The following PML variants were observed in gnomAD, a reference collection of about 807,000 sequenced individuals.
The protein encoded by PML is PML nuclear body scaffold, also known as protein PML.
A neutral mutation model predicts 65.2 loss-of-function variants in PML; 28 were observed. The ratio of observed to expected loss-of-function variants is 0.43; its 90% CI spans 0.32 to 0.59. PML has a LOEUF of 0.59. Among genes scored for constraint, PML ranks in the 20% least tolerant of loss-of-function variants. The probability of loss-of-function intolerance (pLI) is 0.08; values close to 1 mark genes in which losing one functional copy is unlikely to be tolerated. For synonymous variants in PML, 500 were observed against 508.8 expected (o/e 0.98, Z 0.23); for missense variants, 1,021 against 1,203.4 (o/e 0.85, Z 2.24).
At chr15:74,002,430 CCTTT>C (rs1195767491) in intron 2 of PML, among the ~76,000 whole-genome samples, 1 of 144,720 alleles carries the variant, frequency 6.9e-6, no homozygotes, top group African/African-American at 2.5e-5. Flanking sequence ...AAACTTTCTA[CCTTT>C]CTTTCTTTTC....
intron 2 of PML, among the ~76,000 whole-genome samples, chr15:74,014,694 A>G (rs964409636): frequency 1.2e-4 from 18 of 151,100 alleles, no homozygotes; most frequent in East Asian, 1.0e-3. Flanking sequence ...CCTGGAAGGC[A>G]GAGGTTGCAG....
chr15:74,047,787 G>C lies in PML; in HGVS notation c.*2779G>C, dbSNP rs888867399. The C allele has an allele frequency of 1.1e-5, 2 of 180,034 alleles. No individual in the cohort carries two copies. The highest frequency in any genetic ancestry group is 2.4e-5 in the Non-Finnish European group (2 of 84,202). 11.2% of individuals were successfully genotyped at this position (180,034 alleles called of 1,614,324 possible). On this transcript the variant is annotated 3_prime_UTR_variant, in exon 9 of 9. Coordinates refer to ENST00000268058, the MANE Select transcript of PML (RefSeq NM_033238.3). ...TTATAAAGTGCTTTATGAATTATAG[G>C]AAAATAAACACATTTTAGATCTTAG...
chr15:74,042,939 G>A lies in PML; in HGVS notation c.1711-50G>A. 6.2e-7 allele frequency: 1 copy of A among 1,612,148 alleles called. No homozygotes were observed. Among genetic ancestry groups the A allele is most frequent in the Non-Finnish European group, 8.5e-7 (1 of 1,179,980 alleles). ...CAGCTTGCTAGTGTTCTGCACAGGT[G>A]CTTGCCTTGGCCCTCTGAATCCCTG... On this transcript the variant is annotated intron_variant, in intron 7 of 8. Transcript: ENST00000268058. This position sits in a 1 kb window ranked among gnomAD's most constrained non-coding sequence, Gnocchi z 5.3.
At chr15:74,020,287 CTTTTT>C (rs1187914506) in intron 2 of PML, among the ~76,000 whole-genome samples, 2 of 116,278 alleles carry the variant, frequency 1.7e-5, no homozygotes. Flanking sequence ...TGACTTATTC[CTTTTT>C]TTTTTTTTTT....
Position 74,042,907 on chromosome 15 carries a change from G to A in PML, c.1711-82G>A. On this transcript the variant is annotated intron_variant, in intron 7 of 8. Coordinates refer to ENST00000268058, the MANE Select transcript of PML (RefSeq NM_033238.3). This position sits in a 1 kb window ranked among gnomAD's most constrained non-coding sequence, Gnocchi z 5.3. ...CTTCATGTGCACGCAGATGCTCCCA[G>A]CTATACCAGCTTGCTAGTGTTCTGC... 1.2e-6 allele frequency: 2 copies of A among 1,609,124 alleles called. No homozygotes were observed. The highest frequency in any genetic ancestry group is 8.5e-7 in the Non-Finnish European group (1 of 1,179,596).
chr15:74,015,627 A>G (rs2070537168), intron 2 of PML, among the ~76,000 whole-genome samples: 1 of 152,128 alleles, frequency 6.6e-6, no homozygotes, highest in South Asian at 2.1e-4. Flanking sequence ...TGGGGAGGGG[A>G]CACCCCAAAT....
At position 74,035,730 on chromosome 15, in the gene PML, A is replaced by G. The variant is rs2071527262; in HGVS notation, c.1710+1200A>G. 3 of 1,613,986 alleles carry G rather than the reference A, an allele frequency of 1.9e-6. No homozygotes were observed. The highest frequency in any genetic ancestry group is 2.5e-6 in the Non-Finnish European group (3 of 1,179,978). On this transcript the variant is annotated intron_variant, in intron 7 of 8. Coordinates refer to ENST00000268058, the MANE Select transcript of PML (RefSeq NM_033238.3). The surrounding 1 kb of genome is among the most constrained non-coding windows in gnomAD (Gnocchi z 4.1). ...CTTTTTTGCCCTCCCCTTCTCCTCC[A>G]TGGCTTCCCAGCTTGACATGTCTTC...
Position 74,023,381 on chromosome 15 carries a change from C to G in PML, c.1156C>G (p.Leu386Val), listed in dbSNP as rs1315028133. ...CGAGTTCAAGGTGCGCCTGCAGGAC[C>G]TCAGCTCTTGCATCACCCAGGGGAA... ...FDEFKVRLQDLSSCITQGKDA... is the reference protein window; with the variant it reads ...FDEFKVRLQDVSSCITQGKDA... Residue 386 changes from leucine (L) to valine (V), a missense_variant, in exon 3 of 9, where the codon CTC (leucine) becomes GTC (valine). By Grantham distance (32) the Leu-to-Val change is conservative. Transcript: ENST00000268058. 6.3e-7 allele frequency: 1 copy of G among 1,599,450 alleles called. No homozygotes were observed. Among genetic ancestry groups the G allele is most frequent in the South Asian group, 1.1e-5 (1 of 91,044 alleles).
At position 73,994,742 on chromosome 15, in the gene PML, C is replaced by T. The variant is rs566938076; in HGVS notation, c.-71C>T. 341 of 1,520,556 alleles carry T rather than the reference C, an allele frequency of 2.2e-4. No homozygotes were observed. Among genetic ancestry groups the T allele is most frequent in the Admixed American group, 1.3e-3 (64 of 50,972 alleles). 94.2% of individuals were successfully genotyped at this position (1,520,556 alleles called of 1,614,324 possible). On this transcript the variant is annotated 5_prime_UTR_variant, in exon 1 of 9. Coordinates refer to ENST00000268058, the MANE Select transcript of PML (RefSeq NM_033238.3). ...GCTCAAGGGACTCAGCCAACTGGCT[C>T]ACGCCTCCCCTTCAGCTTCTCTTCA...
chr15:73,997,790 G>A (rs2069577953), intron 1 of PML, among the ~76,000 whole-genome samples: 1 of 152,238 alleles, frequency 6.6e-6, no homozygotes, highest in Non-Finnish European at 1.5e-5. Flanking sequence ...TGGGTGATGA[G>A]AAGTAGATGC....
intron 2 of PML, among the ~76,000 whole-genome samples, chr15:73,999,969 C>T (rs994190817): frequency 7.3e-5 from 11 of 151,366 alleles, no homozygotes; most frequent in African/African-American, 1.2e-4. Context: ...CAAGTAGCTG[C>T]GATTACAGGT....
At position 74,017,032 on chromosome 15, in the gene PML, C is replaced by T. The variant is rs12910596; in HGVS notation, c.603-5796C>T. ...CAGGATGGTCTCGATCTCCTGACCT[C>T]GTGATCCACCCACCTCGGCCTCCCA... On this transcript the variant is annotated intron_variant, in intron 2 of 8. Transcript: ENST00000268058. Among the ~76,000 whole-genome samples the T allele has an allele frequency of 3.1e-3, 463 of 151,574 alleles. 3 individuals carry two copies. Among genetic ancestry groups the T allele is most frequent in the African/African-American group, 9.3e-3 (384 of 41,416 alleles).
At chr15:74,030,720 G>C (rs2141861881) in intron 4 of PML, among the ~76,000 whole-genome samples, 1 of 152,142 alleles carries the variant, frequency 6.6e-6, no homozygotes, top group South Asian at 2.1e-4. Context: ...CGAGGTATGT[G>C]ACCTTGGGAA....
rs548755096 is a variant in PML, at chr15:74,022,956, C to T, written c.731C>T (p.Thr244Met). 5 of 1,610,918 alleles carry T rather than the reference C, an allele frequency of 3.1e-6. No individual in the cohort carries two copies. The highest frequency in any genetic ancestry group is 4.2e-6 in the Non-Finnish European group (5 of 1,178,874). ...QQRQEELDAM[T>M]QALQEQDSAF... ...CGACAGGAGGAGCTGGACGCCATGA[C>T]GCAGGCGCTGCAGGAGCAGGATAGT... Residue 244 changes from threonine to methionine, a missense_variant, in exon 3 of 9, where the codon ACG becomes ATG. Thr to Met is a moderately conservative substitution (Grantham distance 81, BLOSUM62 -1). Coordinates refer to ENST00000268058, the MANE Select transcript of PML (RefSeq NM_033238.3).
rs758540569 is a variant in PML, at chr15:73,998,385, A to C, written c.511A>C (p.Asn171His). 6.2e-7 allele frequency: 1 copy of C among 1,614,106 alleles called. No individual in the cohort carries two copies. The highest frequency in any genetic ancestry group is 8.5e-7 in the Non-Finnish European group (1 of 1,179,954). ...HEARPLAELRNQSVREFLDGT... is the reference protein window; with the variant it reads ...HEARPLAELRHQSVREFLDGT... ...GGCCCGGCCCCTAGCAGAGCTGCGC[A>C]ACCAGTCGGTGCGTGAGTTCCTGGA... Residue 171 changes from asparagine (N) to histidine (H), a missense_variant, in exon 2 of 9, where the codon AAC becomes CAC. Asn to His is a moderately conservative substitution (Grantham distance 68). Coordinates refer to ENST00000268058, the MANE Select transcript of PML (RefSeq NM_033238.3).
intron 3 of PML, among the ~76,000 whole-genome samples, chr15:74,023,653 C>G (rs765755272): frequency 6.6e-6 from 1 of 152,088 alleles, no homozygotes; most frequent in Non-Finnish European, 1.5e-5. Flanking sequence ...ATTGACCTAG[C>G]GATGACTCAT....
chr15:74,029,614 G>C (rs998085908), intron 4 of PML, among the ~76,000 whole-genome samples: 6 of 151,962 alleles, frequency 3.9e-5, no homozygotes, highest in Non-Finnish European at 5.9e-5. Context: ...ACAAGAGCAA[G>C]ACTCTGCCTC....
intron 4 of PML, among the ~76,000 whole-genome samples, chr15:74,028,939 G>A (rs1237532221): frequency 6.6e-6 from 1 of 152,142 alleles, no homozygotes; most frequent in African/African-American, 2.4e-5. Flanking sequence ...TTTGGCTATT[G>A]TGAATCTGCT....
chr15:74,032,901 A>G (rs77242552), intron 5 of PML, among the ~76,000 whole-genome samples, 186 bp downstream of exon 5: 6,350 of 152,288 alleles, frequency 0.042, 154 homozygotes, highest in African/African-American at 0.061. Flanking sequence ...TCCCATAAGC[A>G]TGGCCCACTC....
Sources: allele counts gnomAD v4.1 joint callset (sites outside exome capture counted in the v4.1 genomes callset), GRCh38; gene constraint gnomAD v4.1.1; non-coding constraint Gnocchi (gnomAD v3.1); transcripts MANE v1.5; gene names NCBI Gene and HGNC (gene_info 2026-07-23, HGNC 2026-07-21).